The following A4GALT variants were observed in gnomAD, a reference collection of about 807,000 sequenced individuals.
A4GALT encodes alpha 1,4-galactosyltransferase (P1PK blood group).
For missense variants in A4GALT, 512 were observed against 486.0 expected, an observed-to-expected ratio of 1.05 and a Z score of -0.50; for synonymous variants, 257 against 220.7, an observed-to-expected ratio of 1.16 and a Z score of -1.46.
At chr22:42,698,258 A>G (rs903441195) in intron 1 of A4GALT, among the ~76,000 whole-genome samples, 2 of 151,958 alleles carry the variant, frequency 1.3e-5, no homozygotes, top group African/African-American at 4.8e-5. Context: ...AAAAAAAAAA[A>G]AAAAAATCGA....
At chr22:42,700,793 A>G (rs749542766) in intron 1 of A4GALT, among the ~76,000 whole-genome samples, 1 of 152,234 alleles carries the variant, frequency 6.6e-6, no homozygotes, top group Non-Finnish European at 1.5e-5. Context: ...CAGCCCACGG[A>G]ACAGGCCCTC....
chr22:42,697,772 C>G (rs914889967), intron 1 of A4GALT, among the ~76,000 whole-genome samples: 8 of 152,044 alleles, frequency 5.3e-5, no homozygotes, highest in African/African-American at 1.9e-4. Flanking sequence ...ACCTTGTCAG[C>G]TGGGCCTGGC....
intron 1 of A4GALT, among the ~76,000 whole-genome samples, chr22:42,710,396 T>C (rs910348551): frequency 6.6e-6 from 1 of 152,100 alleles, no homozygotes; most frequent in Non-Finnish European, 1.5e-5. Flanking sequence ...TAACAAAAGA[T>C]ATTAAACATC....
chr22:42,703,747 C>T (rs572978092), intron 1 of A4GALT, among the ~76,000 whole-genome samples: 2 of 152,174 alleles, frequency 1.3e-5, no homozygotes, highest in East Asian at 1.9e-4. Context: ...CTAACCTTGG[C>T]GGGACACATG....
In A4GALT at chr22:42,693,360, G is replaced by C. The variant is rs765662216; in HGVS notation, c.592C>G (p.Leu198Val). The part of the protein sequence containing the change: ...GIYLDTDFIV[L>V]KNLRNLTNVL... Reference sequence around the variant, plus strand: ...TTGGTCAGGTTCCGCAGGTTCTTGAGAACAATGAAGTCCGTGTCCAGGTAG... The same window carrying C: ...TTGGTCAGGTTCCGCAGGTTCTTGACAACAATGAAGTCCGTGTCCAGGTAG... Residue 198 changes from leucine to valine, a missense_variant, in exon 3 of 3, where the codon CTC becomes GTC. Coordinates refer to ENST00000642412, the MANE Select transcript of A4GALT (RefSeq NM_017436.7). 3 of 1,613,326 alleles carry C rather than the reference G, an allele frequency of 1.9e-6. No individual in the cohort carries two copies. The highest frequency in any genetic ancestry group is 2.5e-6 in the Non-Finnish European group (3 of 1,180,006).
At chr22:42,695,703 G>A (rs1930875109) in intron 1 of A4GALT, 72 bp from the exon 2 acceptor site, 1 of 152,240 alleles carries the variant, frequency 6.6e-6, no homozygotes, top group Non-Finnish European at 1.5e-5. Flanking sequence ...TGGCCACACA[G>A]GCAGGTCAGG....
At chr22:42,708,545 AGAAGGAAGGAAGGAAG>A (rs560108193) in intron 1 of A4GALT, among the ~76,000 whole-genome samples, 7 of 116,496 alleles carry the variant, frequency 6.0e-5, no homozygotes, top group African/African-American at 1.3e-4. Flanking sequence ...GAGGAAAGAG[AGAAGGAAGGAAGGAAG>A]GAAGGAAGGA....
Position 42,693,244 on chromosome 22 carries a change from G to A in A4GALT, c.708C>T (p.Asp236=). The change falls in exon 3 of 3, where the codon GAC becomes GAT. Residue 236 remains aspartate, a synonymous_variant. Transcript: ENST00000642412. ...RHEFMALCMR[D]FVDHYNGWIW... ...TCCAGCCGTTGTAGTGGTCCACGAA[G>A]TCCCGCATGCACAGCGCCATGAACT... 1.9e-6 allele frequency: 3 copies of A among 1,611,822 alleles called. No individual in the cohort carries two copies. Among genetic ancestry groups the A allele is most frequent in the East Asian group, 2.2e-5 (1 of 44,796 alleles).
chr22:42,715,089 G>A (rs538703133), intron 1 of A4GALT, among the ~76,000 whole-genome samples: 4 of 151,780 alleles, frequency 2.6e-5, no homozygotes, highest in African/African-American at 9.7e-5. Context: ...GGGGAGGGTG[G>A]GCCACAGGGG....
At chr22:42,709,361 A>AAT (rs1921477955) in intron 1 of A4GALT, among the ~76,000 whole-genome samples, 1 of 151,448 alleles carries the variant, frequency 6.6e-6, no homozygotes, top group African/African-American at 2.4e-5. Flanking sequence ...AAAAAAAAAA[A>AAT]TTTAAGTAAA....
At chr22:42,702,354 T>TTTC (rs1333985061) in intron 1 of A4GALT, among the ~76,000 whole-genome samples, 17 of 151,432 alleles carry the variant, frequency 1.1e-4, no homozygotes, top group African/African-American at 4.1e-4. Flanking sequence ...TTTTTTTTTT[T>TTTC]TTCACAGATG....
chr22:42,712,825 C>T (rs567045635), intron 1 of A4GALT, among the ~76,000 whole-genome samples: 1 of 152,288 alleles, frequency 6.6e-6, no homozygotes, highest in East Asian at 1.9e-4. Flanking sequence ...AGGAGAATTG[C>T]TTGAACCCAG....
intron 1 of A4GALT, among the ~76,000 whole-genome samples, chr22:42,718,921 G>A (rs1340162757): frequency 2.6e-5 from 4 of 152,158 alleles, no homozygotes; most frequent in East Asian, 3.9e-4. Context: ...GGTGGAGGCC[G>A]TCCACCTGCC....
rs1930681398 is a variant in A4GALT at position 42,693,685 on chromosome 22, GTT to G, written c.265_266del (p.Asn89ProfsTer193). ...IFFLETSDRT[N>X]PNFLFMCSVE... The stretch of plus-strand genomic sequence containing the variant: ...CCGAGCACATGAACAGGAAGTTGGG[GTT>G]GGTCCGGTCTGAAGTCTCCAGGAAG... On this transcript the variant is annotated frameshift_variant, in exon 3 of 3. Coordinates refer to ENST00000642412, the MANE Select transcript of A4GALT (RefSeq NM_017436.7). LOFTEE classifies it low-confidence loss of function (END_TRUNC). The G allele has an allele frequency of 6.8e-7, 1 of 1,469,642 alleles. No homozygotes were observed. The highest frequency in any genetic ancestry group is 1.5e-5 in the African/African-American group (1 of 67,868). 91.0% of individuals were successfully genotyped at this position (1,469,642 alleles called of 1,614,324 possible).
chr22:42,710,065 C>T (rs545381183), intron 1 of A4GALT, among the ~76,000 whole-genome samples: 27 of 152,172 alleles, frequency 1.8e-4, no homozygotes, highest in South Asian at 1.5e-3. Context: ...CCAGAGAGTA[C>T]GAATACACAG....
intron 1 of A4GALT, among the ~76,000 whole-genome samples, chr22:42,697,735 G>T (rs1208397270): frequency 1.3e-5 from 2 of 152,068 alleles, no homozygotes; most frequent in African/African-American, 4.8e-5. Flanking sequence ...CCCGAGACGG[G>T]CCTCGCAGTT....
At chr22:42,694,123 A>G in intron 2 of A4GALT, 126 bp from the exon 3 acceptor site, 1 of 650,098 alleles carries the variant, frequency 1.5e-6, no homozygotes, top group East Asian at 2.7e-5. Context: ...CTGGGCCCAC[A>G]GGGGCCAAGG....
rs1930738103 is a variant in A4GALT at position 42,694,029 on chromosome 22, G to A, written c.-46-32C>T. 3.8e-6 allele frequency: 5 copies of A among 1,301,596 alleles called. 1 individual carries two copies. In the South Asian group the frequency reaches 6.4e-5, roughly 17 times the overall value. The allele number at this position is 1,301,596 out of a possible 1,614,324, so 80.6% of individuals were successfully genotyped here. ...GAGATGAGCACCCGCCATCAGGGAG[G>A]CCGTTGGCATTCCCGATCCACAAGG... On this transcript the variant is annotated intron_variant, in intron 2 of 2. Transcript: ENST00000642412.
At chr22:42,698,979 G>A (rs1048027626) in intron 1 of A4GALT, among the ~76,000 whole-genome samples, 22 of 152,050 alleles carry the variant, frequency 1.4e-4, no homozygotes, top group African/African-American at 4.8e-4. Context: ...AAAAAGGGGA[G>A]GCATGAATAA....
Sources: allele counts gnomAD v4.1 joint callset (sites outside exome capture counted in the v4.1 genomes callset), GRCh38; gene constraint gnomAD v4.1.1; transcripts MANE v1.5; gene names NCBI Gene and HGNC (gene_info 2026-07-23, HGNC 2026-07-21).